Variants in PPP1CC observed in about 807,000 individuals in gnomAD.
PPP1CC encodes serine/threonine-protein phosphatase PP1-gamma catalytic subunit.
A neutral mutation model predicts 38.4 loss-of-function variants in PPP1CC; 16 were observed. The observed-to-expected ratio is 0.42, with a 90% CI of 0.28 to 0.63. The LOEUF is 0.63. Among genes scored for constraint, PPP1CC ranks in the 30% least tolerant of loss-of-function variants. The probability of loss-of-function intolerance (pLI) is 0.25; values close to 1 mark genes in which losing one functional copy is unlikely to be tolerated. For synonymous variants in PPP1CC, 158 were observed against 136.0 expected (o/e 1.16, Z -1.13); for missense variants, 170 against 391.3 (o/e 0.43, Z 4.77).
chr12:110,718,863 G>T (rs1031457290), downstream of PPP1CC, among the ~76,000 whole-genome samples: 1 of 151,976 alleles, frequency 6.6e-6, no homozygotes, highest in Non-Finnish European at 1.5e-5. Context: ...AATGATCTCA[G>T]GTCCTAAAAC....
intron 3 of PPP1CC, among the ~76,000 whole-genome samples, chr12:110,728,397 C>CAAAAAAAAAAAAAAA (rs1234259790): frequency 5.1e-5 from 4 of 78,670 alleles, no homozygotes; most frequent in African/African-American, 7.6e-5. Context: ...GACTCCGTCT[C>CAAAAAAAAAAAAAAA]AAAAAAAAAA....
intron 6 of PPP1CC, chr12:110,721,870 T>C: frequency 4.3e-6 from 2 of 469,198 alleles, no homozygotes; most frequent in East Asian, 6.2e-5. Context: ...AGGTTTTAGA[T>C]TTACAGTAAA....
chr12:110,710,116 G>A, the PPP1CC span, among the ~76,000 whole-genome samples: 1 of 151,766 alleles, frequency 6.6e-6, no homozygotes, highest in Admixed American at 6.6e-5. Flanking sequence ...TATCAAGAAT[G>A]CAAACCATAG....
At chr12:110,737,016 G>A (rs998927746) in intron 1 of PPP1CC, among the ~76,000 whole-genome samples, 6 of 152,184 alleles carry the variant, frequency 3.9e-5, no homozygotes, top group Non-Finnish European at 7.3e-5. Context: ...TTAACAATAT[G>A]CCACATCATA....
At chr12:110,717,569 A>G (rs555942026), downstream of PPP1CC, among the ~76,000 whole-genome samples, 40 of 150,956 alleles carry the variant, frequency 2.6e-4, no homozygotes, top group Admixed American at 1.7e-3. Context: ...AATTTTTTCT[A>G]TTTTTTTTAG....
Position 110,742,833 on chromosome 12 carries a change from C to G in PPP1CC, c.-126G>C, listed in dbSNP as rs953102070. The G allele has an allele frequency of 6.2e-6, 4 of 644,848 alleles. No homozygotes were observed. Among genetic ancestry groups the G allele is most frequent in the Non-Finnish European group, 9.2e-6 (4 of 435,494 alleles). The allele number at this position is 644,848 out of a possible 1,614,324, so 39.9% of individuals were successfully genotyped here. ...GCGGTGGCAGCAGCCGCGGCGGGTC[C>G]CCCCCCTGCCACCCCGCTCCCTACT... On this transcript the variant is annotated 5_prime_UTR_variant, in exon 1 of 7. Transcript: ENST00000335007.
chr12:110,725,361 C>A (rs556673219), intron 3 of PPP1CC: 42 of 152,444 alleles, frequency 2.8e-4, no homozygotes, highest in Admixed American at 1.2e-3. Flanking sequence ...TGAGAGTTAG[C>A]ACCCATCCCC....
chr12:110,717,803 T>C (rs550349966), downstream of PPP1CC, among the ~76,000 whole-genome samples: 1 of 152,340 alleles, frequency 6.6e-6, no homozygotes, highest in African/African-American at 2.4e-5. Context: ...TCCCTTCTAC[T>C]AATTTCAGGT....
At chr12:110,735,493 A>T (rs1162147999) in intron 1 of PPP1CC, among the ~76,000 whole-genome samples, 1 of 152,110 alleles carries the variant, frequency 6.6e-6, no homozygotes, top group Non-Finnish European at 1.5e-5. Context: ...TCAAAACCAA[A>T]GGAGAAGGTT....
intron 6 of PPP1CC, chr12:110,721,509 C>T (rs1033826012): frequency 5.5e-6 from 1 of 181,722 alleles, no homozygotes; most frequent in African/African-American, 2.4e-5. Context: ...GATCCTTGCA[C>T]AATCTTTGGA....
In PPP1CC at chr12:110,720,178, G is replaced by C. The variant is rs1001883765; in HGVS notation, c.*898C>G. On this transcript the variant is annotated 3_prime_UTR_variant, in exon 7 of 7. Coordinates refer to ENST00000335007, the MANE Select transcript of PPP1CC (RefSeq NM_002710.4). ...TTGTTTCTATAATTTGAAGCTTTCT[G>C]AATGGACGGGTTCAGGCCTGATGCA... 6.4e-7 allele frequency: 1 copy of C among 1,554,604 alleles called. No individual in the cohort carries two copies. The highest frequency in any genetic ancestry group is 1.4e-5 in the African/African-American group (1 of 74,012).
At chr12:110,723,418 C>G (rs549288451) in intron 4 of PPP1CC, among the ~76,000 whole-genome samples, 1 of 152,028 alleles carries the variant, frequency 6.6e-6, no homozygotes, top group Non-Finnish European at 1.5e-5. Flanking sequence ...AATTTCAGAC[C>G]ATACAGGAAA....
At chr12:110,732,901 C>T (rs533811118) in intron 1 of PPP1CC, 31 of 152,184 alleles carry the variant, frequency 2.0e-4, no homozygotes, top group African/African-American at 6.0e-4. Context: ...TAAAGTAGCA[C>T]GGAACTGCTA....
At chr12:110,723,145 T>A (rs2069758786) in intron 4 of PPP1CC, among the ~76,000 whole-genome samples, 1 of 152,244 alleles carries the variant, frequency 6.6e-6, no homozygotes, top group Non-Finnish European at 1.5e-5. Flanking sequence ...AAGAGCTTAT[T>A]GTATCGAGTT....
At chr12:110,714,486 A>G in the PPP1CC span, among the ~76,000 whole-genome samples, 2 of 151,980 alleles carry the variant, frequency 1.3e-5, no homozygotes, top group East Asian at 3.9e-4. Context: ...CTCAATCTGA[A>G]GGGCAAGCAC....
chr12:110,714,813 A>AAAAAG (rs2069676359), downstream of PPP1CC, among the ~76,000 whole-genome samples: 1 of 148,492 alleles, frequency 6.7e-6, no homozygotes, highest in Non-Finnish European at 1.5e-5. Flanking sequence ...CTCAAAAAAA[A>AAAAAG]AAAAAAAAAA....
chr12:110,721,405 AT>A, intron 6 of PPP1CC: 1 of 376,554 alleles, frequency 2.7e-6, no homozygotes, highest in Non-Finnish European at 4.9e-6. Flanking sequence ...TATAATGACA[AT>A]CTTCTGAAGT....
chr12:110,740,722 T>C (rs1406220184), intron 1 of PPP1CC, among the ~76,000 whole-genome samples: 5 of 152,204 alleles, frequency 3.3e-5, no homozygotes, highest in Non-Finnish European at 7.3e-5. Flanking sequence ...ATTTTAGATG[T>C]ATCATTACTT....
At position 110,742,831 on chromosome 12, in the gene PPP1CC, T is replaced by TC. The variant is rs939696679; in HGVS notation, c.-125dup. The TC allele has an allele frequency of 1.1e-4, 76 of 696,596 alleles. No individual in the cohort carries two copies. The highest frequency in any genetic ancestry group is 3.3e-4 in the Middle Eastern group (1 of 3,072). 43.2% of individuals were successfully genotyped at this position (696,596 alleles called of 1,614,324 possible). A position where few individuals can be genotyped will look rare whatever the true frequency, so the allele number is the denominator to read the frequency against. On this transcript the variant is annotated 5_prime_UTR_variant, in exon 1 of 7. Coordinates refer to ENST00000335007, the MANE Select transcript of PPP1CC (RefSeq NM_002710.4). The stretch of plus-strand genomic sequence containing the variant: ...CGGCGGTGGCAGCAGCCGCGGCGGG[T>TC]CCCCCCCCTGCCACCCCGCTCCCTA...
Sources: gnomAD v4.1 joint callset for allele counts (sites outside exome capture counted in the v4.1 genomes callset) on GRCh38, gnomAD v4.1.1 for gene constraint, MANE v1.5 for transcripts, NCBI Gene and HGNC (gene_info 2026-07-23, HGNC 2026-07-21) for gene names.